The following CNTN5 variants were observed in gnomAD, a reference collection of about 807,000 sequenced individuals.
CNTN5 encodes contactin 5.
In CNTN5, 77 loss-of-function variants were observed where a neutral mutation model predicts 129.1. That is an observed-to-expected ratio of 0.60 (90% CI 0.50 to 0.72). CNTN5 has a LOEUF of 0.72. Ranked by LOEUF, CNTN5 falls within the 30% of genes least tolerant of loss-of-function variation. The pLI, the probability that CNTN5 is intolerant of heterozygous loss-of-function variation, is 0.00. For synonymous variants in CNTN5, 509 were observed against 465.6 expected (o/e 1.09, Z -1.20); for missense variants, 1,478 against 1,328.8 (o/e 1.11, Z -1.75).
intron 13 of CNTN5, among the ~76,000 whole-genome samples, chr11:100,109,708 G>A (rs1305170252): frequency 1.3e-5 from 2 of 152,272 alleles, no homozygotes; most frequent in African/African-American, 4.8e-5. Context: ...AAAGTATTAT[G>A]CACTTAACGA....
chr11:99,892,173 G>A (rs1488578931), intron 6 of CNTN5, among the ~76,000 whole-genome samples: 5 of 152,060 alleles, frequency 3.3e-5, no homozygotes, highest in African/African-American at 1.2e-4. Context: ...TGATGGGGTT[G>A]TTTGCTTTTT....
At position 100,357,172 on chromosome 11, in the gene CNTN5, T is replaced by G. The variant is rs977419919; in HGVS notation, c.*952T>G. On this transcript the variant is annotated 3_prime_UTR_variant, in exon 25 of 25. Transcript: ENST00000524871. Reference sequence around the variant, plus strand: ...CAAAAATTTTAAGGGCAATGAAAATTTGTTGTGCAAATAATTATGCATAGT... The same window carrying G: ...CAAAAATTTTAAGGGCAATGAAAATGTGTTGTGCAAATAATTATGCATAGT... 3 of 151,758 alleles carry G rather than the reference T, an allele frequency of 2.0e-5. No homozygotes were observed. The highest frequency in any genetic ancestry group is 4.4e-5 in the Non-Finnish European group (3 of 67,768). 9.4% of individuals were successfully genotyped at this position (151,758 alleles called of 1,614,324 possible).
At chr11:100,214,038 CTAG>C (rs1949088307) in intron 15 of CNTN5, among the ~76,000 whole-genome samples, 1 of 152,022 alleles carries the variant, frequency 6.6e-6, no homozygotes, top group African/African-American at 2.4e-5. Context: ...AAAATATTTA[CTAG>C]TATTGCCAAA....
chr11:99,919,862 C>T (rs1433002832), intron 7 of CNTN5, among the ~76,000 whole-genome samples: 1 of 148,972 alleles, frequency 6.7e-6, no homozygotes, highest in East Asian at 2.0e-4. Flanking sequence ...TGCCATGTTA[C>T]TCAGGCTGTT....
chr11:100,152,869 T>G (rs1207266758), intron 13 of CNTN5, among the ~76,000 whole-genome samples: 1 of 152,112 alleles, frequency 6.6e-6, no homozygotes, highest in Non-Finnish European at 1.5e-5. Context: ...AGTTAAATAA[T>G]GTGCCAACAA....
chr11:99,376,345 T>C (rs1346002323), intron 2 of CNTN5, among the ~76,000 whole-genome samples: 1 of 152,152 alleles, frequency 6.6e-6, no homozygotes, highest in Admixed American at 6.5e-5. Context: ...CTCCAAAACA[T>C]GATGAAGGTG....
intron 2 of CNTN5, among the ~76,000 whole-genome samples, chr11:99,364,621 T>A (rs1030430800): frequency 6.6e-6 from 1 of 152,142 alleles, no homozygotes; most frequent in East Asian, 1.9e-4. Context: ...CTGTTCATAA[T>A]ATCAAAGTAT....
chr11:99,762,287 A>G (rs1944608052), intron 3 of CNTN5, among the ~76,000 whole-genome samples: 1 of 148,930 alleles, frequency 6.7e-6, no homozygotes, highest in Non-Finnish European at 1.5e-5. Flanking sequence ...CCATTTGTCA[A>G]TTTTGTCTTT....
chr11:99,452,662 C>T (rs900758061), intron 2 of CNTN5, among the ~76,000 whole-genome samples: 2 of 152,016 alleles, frequency 1.3e-5, no homozygotes, highest in Non-Finnish European at 2.9e-5. Context: ...TGTGAGCCAC[C>T]GCGCCTGGCC....
chr11:100,021,436 T>G (rs1002072113), intron 9 of CNTN5, among the ~76,000 whole-genome samples: 2 of 152,212 alleles, frequency 1.3e-5, no homozygotes, highest in Admixed American at 6.5e-5. Context: ...TATTTGTAGA[T>G]CTGTCTGATT....
intron 13 of CNTN5, among the ~76,000 whole-genome samples, chr11:100,094,392 G>A (rs1035962620): frequency 6.6e-6 from 1 of 152,104 alleles, no homozygotes; most frequent in Non-Finnish European, 1.5e-5. Flanking sequence ...TCTCACATCA[G>A]CTGCATAATC....
intron 3 of CNTN5, among the ~76,000 whole-genome samples, chr11:99,565,756 C>G (rs573803513): frequency 6.6e-6 from 1 of 152,104 alleles, no homozygotes; most frequent in Non-Finnish European, 1.5e-5. Flanking sequence ...GGTAATCATT[C>G]TCCCATGATT....
intron 1 of CNTN5, among the ~76,000 whole-genome samples, chr11:99,098,800 A>G (rs186362685): frequency 1.1e-4 from 16 of 152,210 alleles, no homozygotes; most frequent in Admixed American, 3.3e-4. Context: ...TTCAGAGACT[A>G]AAAGGTTTCC....
At chr11:99,564,702 A>C (rs1948947866) in intron 3 of CNTN5, among the ~76,000 whole-genome samples, 1 of 152,118 alleles carries the variant, frequency 6.6e-6, no homozygotes, top group African/African-American at 2.4e-5. Flanking sequence ...ATTGTGCCAA[A>C]ATCTGTTATT....
chr11:99,868,231 A>G lies in CNTN5; in HGVS notation c.577+22969A>G, dbSNP rs28582430. 9.1e-3 allele frequency among the ~76,000 whole-genome samples: 1,384 copies of G among 152,006 alleles called. 74 individuals carry two copies. The highest frequency in any genetic ancestry group is 0.078 in the Admixed American group (1,188 of 15,240). The stretch of plus-strand genomic sequence containing the variant: ...AACTCCATCTCATAAAAAAAAAAAA[A>G]CAAAAAATTGTATTCTACATAAAAC... On this transcript the variant is annotated intron_variant, in intron 6 of 24. Transcript: ENST00000524871.
intron 2 of CNTN5, among the ~76,000 whole-genome samples, chr11:99,345,991 T>C (rs1469224217): frequency 6.6e-6 from 1 of 152,164 alleles, no homozygotes; most frequent in Non-Finnish European, 1.5e-5. Flanking sequence ...AGGAACAAAA[T>C]AAAGATGAAA....
At chr11:100,339,819 GGA>G (rs1952121922) in intron 21 of CNTN5, among the ~76,000 whole-genome samples, 1 of 152,162 alleles carries the variant, frequency 6.6e-6, no homozygotes, top group Non-Finnish European at 1.5e-5. Flanking sequence ...ACAAAGGGAT[GGA>G]GTTTGCTGAA....
intron 8 of CNTN5, among the ~76,000 whole-genome samples, chr11:99,957,464 T>C (rs1413053381): frequency 2.0e-5 from 3 of 152,208 alleles, no homozygotes; most frequent in Non-Finnish European, 2.9e-5. Flanking sequence ...TTTCCAATAA[T>C]AGGAGCAGTT....
At chr11:100,107,188 G>A (rs1945471462) in intron 13 of CNTN5, among the ~76,000 whole-genome samples, 1 of 152,010 alleles carries the variant, frequency 6.6e-6, no homozygotes, top group Admixed American at 6.6e-5. Flanking sequence ...CCTCACTCCT[G>A]CCTTGCTTAC....
Sources: allele counts gnomAD v4.1 joint callset (sites outside exome capture counted in the v4.1 genomes callset), GRCh38; gene constraint gnomAD v4.1.1; transcripts MANE v1.5; gene names NCBI Gene and HGNC (gene_info 2026-07-23, HGNC 2026-07-21).